NEGR1: variants seen among roughly 807,000 people sequenced by gnomAD.
NEGR1 encodes neuronal growth regulator 1, also known as IgLON family member 4.
Under a neutral mutation model 40.9 loss-of-function variants are expected in NEGR1, and 10 were observed. The ratio of observed to expected loss-of-function variants is 0.24; its 90% confidence interval spans 0.15 to 0.42. The LOEUF is 0.42. Among genes scored for constraint, NEGR1 ranks in the 10% least tolerant of loss-of-function variants. NEGR1 has a pLI of 1.00. For synonymous variants in NEGR1, 185 were observed against 166.8 expected, an observed-to-expected ratio of 1.11 and a Z score of -0.84; for missense variants, 352 against 438.9, an observed-to-expected ratio of 0.80 and a Z score of 1.77.
chr1:71,953,437 C>T (rs773482659), intron 1 of NEGR1, among the ~76,000 whole-genome samples: 6 of 151,838 alleles, frequency 4.0e-5, no homozygotes, highest in Admixed American at 6.6e-5. Flanking sequence ...CAAAGAAAGT[C>T]GTTTCTTGAG....
chr1:72,006,372 T>G (rs973714572), intron 1 of NEGR1, among the ~76,000 whole-genome samples: 1 of 152,166 alleles, frequency 6.6e-6, no homozygotes, highest in African/African-American at 2.4e-5. Flanking sequence ...AAACATTCCA[T>G]GCATTTTAAA....
intron 6 of NEGR1, among the ~76,000 whole-genome samples, chr1:71,410,598 C>T (rs1214644099): frequency 6.6e-6 from 1 of 152,044 alleles, no homozygotes; most frequent in African/African-American, 2.4e-5. Context: ...TTATTTTTTA[C>T]AAAATACAAT....
intron 1 of NEGR1, among the ~76,000 whole-genome samples, chr1:72,139,654 T>C (rs773457479): frequency 1.3e-5 from 2 of 152,036 alleles, no homozygotes; most frequent in African/African-American, 4.8e-5. Flanking sequence ...TATGTAAAAT[T>C]CTAGAAAATG....
At chr1:71,478,381 T>G (rs933512449) in intron 6 of NEGR1, among the ~76,000 whole-genome samples, 17 of 152,120 alleles carry the variant, frequency 1.1e-4, no homozygotes, top group African/African-American at 1.7e-4. Context: ...CAGTTCACAG[T>G]CACAATAATT....
chr1:71,527,444 C>A (rs72938069), intron 6 of NEGR1, among the ~76,000 whole-genome samples: 3,059 of 143,750 alleles, frequency 0.021, 106 homozygotes, highest in African/African-American at 0.07. Context: ...TCCATCCATC[C>A]ATCCATGGGT....
intron 3 of NEGR1, among the ~76,000 whole-genome samples, chr1:71,775,398 T>C (rs1656467945): frequency 6.6e-6 from 1 of 150,400 alleles, no homozygotes; most frequent in African/African-American, 2.4e-5. Context: ...CAGGCTGGAG[T>C]GCACTGGTGC....
At chr1:71,505,292 T>C (rs1647024588) in intron 6 of NEGR1, among the ~76,000 whole-genome samples, 1 of 151,828 alleles carries the variant, frequency 6.6e-6, no homozygotes, top group South Asian at 2.1e-4. Flanking sequence ...TTTTTCTTTT[T>C]TTTTCTTTTT....
chr1:71,752,524 T>C (rs1233294577), intron 3 of NEGR1, among the ~76,000 whole-genome samples: 1 of 152,212 alleles, frequency 6.6e-6, no homozygotes, highest in Non-Finnish European at 1.5e-5. Context: ...CATTTTTGCA[T>C]AGGGCTGTTT....
At chr1:71,476,264 T>C (rs994762107) in intron 6 of NEGR1, among the ~76,000 whole-genome samples, 13 of 152,148 alleles carry the variant, frequency 8.5e-5, no homozygotes, top group African/African-American at 3.1e-4. Flanking sequence ...TAAAAGATTG[T>C]AGAATTATTT....
At chr1:71,860,885 T>C (rs1400094672) in intron 2 of NEGR1, among the ~76,000 whole-genome samples, 1 of 152,026 alleles carries the variant, frequency 6.6e-6, no homozygotes, top group Non-Finnish European at 1.5e-5. Context: ...AATTGGAGTT[T>C]ATTTTTATAG....
At chr1:72,022,330 A>C (rs1447404914) in intron 1 of NEGR1, among the ~76,000 whole-genome samples, 1 of 146,324 alleles carries the variant, frequency 6.8e-6, no homozygotes, top group East Asian at 2.0e-4. Flanking sequence ...AACAATCCAG[A>C]AGTTTATAAA....
chr1:71,799,379 C>CT (rs1207517498), intron 2 of NEGR1, among the ~76,000 whole-genome samples: 1 of 152,100 alleles, frequency 6.6e-6, no homozygotes, highest in Non-Finnish European at 1.5e-5. Context: ...TGAACTCATT[C>CT]TTTTTTATGG....
At chr1:71,711,451 A>C (rs1219467634) in intron 3 of NEGR1, among the ~76,000 whole-genome samples, 6 of 148,028 alleles carry the variant, frequency 4.1e-5, no homozygotes, top group African/African-American at 1.5e-4. Flanking sequence ...ATTCAGGAAG[A>C]CATTCCACTA....
At chr1:71,684,439 A>AT (rs1652954229) in intron 4 of NEGR1, among the ~76,000 whole-genome samples, 1 of 152,206 alleles carries the variant, frequency 6.6e-6, no homozygotes, top group African/African-American at 2.4e-5. Context: ...AAGACTTTAT[A>AT]TAAACACATA....
chr1:71,832,736 G>T (rs1263474219), intron 2 of NEGR1, among the ~76,000 whole-genome samples: 1 of 151,948 alleles, frequency 6.6e-6, no homozygotes, highest in African/African-American at 2.4e-5. Flanking sequence ...CAAAGTCAAG[G>T]CCCAATTAGG....
intron 1 of NEGR1, among the ~76,000 whole-genome samples, chr1:72,168,563 C>T (rs1233988308): frequency 6.6e-6 from 1 of 151,938 alleles, no homozygotes; most frequent in Admixed American, 6.6e-5. Context: ...CCCACTCTAC[C>T]ATGTAATAGC....
At chr1:71,778,316 A>C (rs1656582595) in intron 2 of NEGR1, among the ~76,000 whole-genome samples, 1 of 152,098 alleles carries the variant, frequency 6.6e-6, no homozygotes, top group African/African-American at 2.4e-5. Context: ...TACCCATACA[A>C]CAATTATGTT....
chr1:72,272,198 T>C (rs1655869052), intron 1 of NEGR1, among the ~76,000 whole-genome samples: 1 of 151,832 alleles, frequency 6.6e-6, no homozygotes, highest in Admixed American at 6.6e-5. Context: ...GGTAATTTGA[T>C]GAGAAGTCAC....
chr1:71,961,885 C>T (rs536178973), intron 1 of NEGR1, among the ~76,000 whole-genome samples: 10 of 151,980 alleles, frequency 6.6e-5, no homozygotes, highest in Non-Finnish European at 1.5e-4. Context: ...GTTGAGAAAG[C>T]CACATAACTT....
Sources: allele counts gnomAD v4.1 joint callset (sites outside exome capture counted in the v4.1 genomes callset), GRCh38; gene constraint gnomAD v4.1.1; transcripts MANE v1.5; gene names NCBI Gene and HGNC (gene_info 2026-07-23, HGNC 2026-07-21).